FMN1: variants seen among roughly 807,000 people sequenced by gnomAD.
The protein encoded by FMN1 is formin 1.
Under a neutral mutation model 132.4 loss-of-function variants are expected in FMN1, and 110 were observed. The observed-to-expected ratio is 0.83, with a 90% confidence interval of 0.71 to 0.97. The LOEUF (loss-of-function observed/expected upper bound fraction) is 0.97, where lower values mean the gene tolerates loss of function less well. Among genes scored for constraint, FMN1 ranks in the 50% least tolerant of loss-of-function variants. The pLI is 0.00. For missense variants in FMN1, 1,792 were observed against 1,705.3 expected, an observed-to-expected ratio of 1.05 and a Z score of -0.90; for synonymous variants, 722 against 651.7, an observed-to-expected ratio of 1.11 and a Z score of -1.64.
At chr15:32,891,792 A>G (rs1406931133) in intron 15 of FMN1, among the ~76,000 whole-genome samples, 1 of 151,994 alleles carries the variant, frequency 6.6e-6, no homozygotes, top group African/African-American at 2.4e-5. Context: ...ATACACACAT[A>G]TATATATATG....
intron 6 of FMN1, among the ~76,000 whole-genome samples, chr15:33,024,535 C>G (rs2035579254): frequency 6.6e-6 from 1 of 152,080 alleles, no homozygotes; most frequent in Admixed American, 6.5e-5. Context: ...TGTGAGCCAC[C>G]ACGCCTGGCC....
At chr15:33,073,822 C>A (rs1435406350) in intron 5 of FMN1, among the ~76,000 whole-genome samples, 1 of 151,794 alleles carries the variant, frequency 6.6e-6, no homozygotes, top group African/African-American at 2.4e-5. Flanking sequence ...CTTCACCTCC[C>A]CTTGCTCAAA....
intron 10 of FMN1, among the ~76,000 whole-genome samples, chr15:32,913,040 T>G (rs373724089): frequency 3.9e-5 from 6 of 152,288 alleles, no homozygotes; most frequent in African/African-American, 1.4e-4. Context: ...GAAAGAAAAC[T>G]ACAACTACTG....
rs770083846 is a variant in FMN1 at position 32,901,973 on chromosome 15, C to A, written c.3445G>T (p.Val1149Phe). 3.1e-6 allele frequency: 5 copies of A among 1,613,320 alleles called. No individual in the cohort carries two copies. The East Asian group carries it at 1.1e-4, about 36-fold the overall frequency. ...AAGGAGGTGATACCCTCAGAAAAGACAGATCTGAAGATTATGCACTGGGCA... is the reference window on the plus strand; with the variant it reads ...AAGGAGGTGATACCCTCAGAAAAGAAAGATCTGAAGATTATGCACTGGGCA... ...ERAQCIIFRS[V>F]FSEGITSLHR... is the part of the protein sequence containing the mutation. Residue 1149 changes from valine to phenylalanine, a missense_variant, in exon 13 of 21, where the codon GTC (valine) becomes TTC (phenylalanine). Physicochemically the swap from Val to Phe is conservative, Grantham distance 50. Coordinates refer to ENST00000616417, the MANE Select transcript of FMN1 (RefSeq NM_001277313.2).
At chr15:33,090,757 T>G (rs1457979185) in intron 4 of FMN1, among the ~76,000 whole-genome samples, 1 of 152,166 alleles carries the variant, frequency 6.6e-6, no homozygotes, top group Non-Finnish European at 1.5e-5. Flanking sequence ...GACATAGGAA[T>G]GAACTAATGC....
chr15:33,048,542 A>G (rs1216203958), intron 6 of FMN1, among the ~76,000 whole-genome samples: 1 of 151,588 alleles, frequency 6.6e-6, no homozygotes, highest in Non-Finnish European at 1.5e-5. Flanking sequence ...ACTACTAAAA[A>G]AAAAGTTTTA....
chr15:33,126,893 ACTGCAAAGTG>A (rs762702815), intron 4 of FMN1, among the ~76,000 whole-genome samples: 12 of 152,216 alleles, frequency 7.9e-5, no homozygotes, highest in Non-Finnish European at 1.3e-4. Context: ...TGGCTGTATA[ACTGCAAAGTG>A]GGATAAACGT....
In FMN1 at chr15:33,153,949, C is replaced by T; in HGVS notation, c.966G>A (p.Lys322=). The T allele has an allele frequency of 6.5e-7, 1 of 1,536,790 alleles. No homozygotes were observed. Among genetic ancestry groups the T allele is most frequent in the South Asian group, 1.2e-5 (1 of 84,060 alleles). Residue 322 remains lysine (K), a synonymous_variant, in exon 4 of 21, where the codon AAG becomes AAA. Transcript: ENST00000616417. The stretch of plus-strand genomic sequence containing the variant: ...CCACCACTTTGGAGACAGGTTTCTG[C>T]TTGCAAGTCCGCTTAGCCGGCTTCT... ...EMEKPAKRTC[K]QKPVSKVVAK... is the part of the protein sequence containing the mutation.
At chr15:33,110,640 CTTT>C (rs2039665748) in intron 4 of FMN1, among the ~76,000 whole-genome samples, 1 of 151,404 alleles carries the variant, frequency 6.6e-6, no homozygotes, top group South Asian at 2.1e-4. Context: ...ATTGACGCTT[CTTT>C]TTCTTTTTAA....
At chr15:33,116,212 C>T (rs775397022) in intron 4 of FMN1, among the ~76,000 whole-genome samples, 9 of 151,992 alleles carry the variant, frequency 5.9e-5, no homozygotes, top group Non-Finnish European at 8.8e-5. Flanking sequence ...AACTTTTTCA[C>T]TGGGATTGAC....
At position 32,767,978 on chromosome 15, in the gene FMN1, G is replaced by A. The variant is rs573070345; in HGVS notation, c.*6332C>T. On this transcript the variant is annotated 3_prime_UTR_variant, in exon 21 of 21. Coordinates refer to ENST00000616417, the MANE Select transcript of FMN1 (RefSeq NM_001277313.2). ...ATGAAGAAATAAGATTTTATCTAGA[G>A]ACAAGTTAGCATGAAGCGAGGAAAA... is the stretch of plus-strand genomic sequence containing the variant. 1.3e-5 allele frequency: 2 copies of A among 152,112 alleles called. No individual in the cohort carries two copies. The highest frequency in any genetic ancestry group is 4.8e-5 in the African/African-American group (2 of 41,420). The allele number at this position is 152,112 out of a possible 1,614,324, so 9.4% of individuals were successfully genotyped here. A position where few individuals can be genotyped will look rare whatever the true frequency, so the allele number is the denominator to read the frequency against.
In FMN1 at chr15:33,086,216, G is replaced by A. The variant is rs370404559; in HGVS notation, c.2043+2583C>T. On this transcript the variant is annotated intron_variant, in intron 5 of 20. Transcript: ENST00000616417. ...CAGTGAGCCAAGATTATGCCACTGC[G>A]CTCCAGCCTGAGCGACAGAGCAAGA... 8.7e-5 allele frequency among the ~76,000 whole-genome samples: 13 copies of A among 148,950 alleles called. No homozygotes were observed. In the East Asian group the frequency reaches 2.0e-3, roughly 23 times the overall value.
intron 6 of FMN1, among the ~76,000 whole-genome samples, chr15:33,033,233 T>G (rs992798279): frequency 6.6e-6 from 1 of 152,134 alleles, no homozygotes; most frequent in African/African-American, 2.4e-5. Context: ...GGTTTCACCG[T>G]GTTAGCCAGG....
intron 4 of FMN1, among the ~76,000 whole-genome samples, chr15:33,132,758 A>G (rs1963602322): frequency 6.6e-6 from 1 of 152,112 alleles, no homozygotes; most frequent in South Asian, 2.1e-4. Flanking sequence ...GTAATTTCAG[A>G]CAGCACAGCC....
intron 7 of FMN1, among the ~76,000 whole-genome samples, chr15:32,989,044 T>C (rs1458566771): frequency 6.6e-6 from 1 of 152,208 alleles, no homozygotes; most frequent in Non-Finnish European, 1.5e-5. Flanking sequence ...AAAAACCTTC[T>C]GGAAACACAG....
intron 6 of FMN1, among the ~76,000 whole-genome samples, chr15:33,058,021 A>AGTGGAAAGGCGTGGCGGGCTGGTG (rs1566875061): frequency 2.8e-5 from 4 of 140,780 alleles, no homozygotes; most frequent in Admixed American, 1.4e-4. Flanking sequence ...CGGGGCTGGT[A>AGTGGAAAGGCGTGGCGGGCTGGTG]GTGGAAAGGC....
chr15:32,965,945 C>A (rs894387274), intron 8 of FMN1, among the ~76,000 whole-genome samples: 1 of 152,158 alleles, frequency 6.6e-6, no homozygotes, highest in African/African-American at 2.4e-5. Context: ...AGCATAAGCA[C>A]CACGGATGTT....
intron 4 of FMN1, among the ~76,000 whole-genome samples, chr15:33,112,050 C>G (rs769963267): frequency 1.3e-5 from 2 of 151,882 alleles, no homozygotes; most frequent in Non-Finnish European, 2.9e-5. Flanking sequence ...GTAGTGTTAA[C>G]AAAGTTTTTG....
At chr15:32,995,484 C>T (rs1484945306) in intron 7 of FMN1, among the ~76,000 whole-genome samples, 1 of 152,176 alleles carries the variant, frequency 6.6e-6, no homozygotes. Flanking sequence ...AATAGTAAAT[C>T]CTCTGAGTAC....
Sources: allele counts gnomAD v4.1 joint callset (sites outside exome capture counted in the v4.1 genomes callset), GRCh38; gene constraint gnomAD v4.1.1; transcripts MANE v1.5; gene names NCBI Gene and HGNC (gene_info 2026-07-23, HGNC 2026-07-21).